The following GRK5 variants were observed in gnomAD, a reference collection of about 807,000 sequenced individuals.
GRK5 encodes G protein-coupled receptor kinase 5.
GRK5 carries 40 observed loss-of-function variants against 78.4 expected under a neutral mutation model. That is an observed-to-expected ratio of 0.51 (90% CI 0.40 to 0.66). GRK5 has a LOEUF of 0.66. GRK5 is among the 30% of genes least tolerant of loss of function. The probability of loss-of-function intolerance (pLI) is 0.00; values close to 1 mark genes in which losing one functional copy is unlikely to be tolerated. For missense variants in GRK5, 598 were observed against 759.9 expected (o/e 0.79, Z 2.50); for synonymous variants, 289 against 296.8 (o/e 0.97, Z 0.27).
intron 4 of GRK5, among the ~76,000 whole-genome samples, chr10:119,397,743 C>T (rs1009564132): frequency 6.6e-6 from 1 of 152,222 alleles, no homozygotes; most frequent in African/African-American, 2.4e-5. Flanking sequence ...ATGTAGCCCT[C>T]GTTCTTCTCC....
At chr10:119,330,866 CA>C (rs1321552764) in intron 2 of GRK5, among the ~76,000 whole-genome samples, 1 of 152,174 alleles carries the variant, frequency 6.6e-6, no homozygotes, top group Non-Finnish European at 1.5e-5. Flanking sequence ...ACTAAAAACA[CA>C]AAAATTAGCC....
chr10:119,313,230 ATGATGGTGGTGGTAATGGTGGTGG>A (rs1440031018), intron 1 of GRK5, among the ~76,000 whole-genome samples: 4 of 121,234 alleles, frequency 3.3e-5, no homozygotes, highest in Non-Finnish European at 7.2e-5. Context: ...GACGGTAGTG[ATGATGGTGGTGGTAATGGTGGTGG>A]TGATGGTGGT....
intron 1 of GRK5, among the ~76,000 whole-genome samples, chr10:119,308,104 C>T (rs1448867706): frequency 6.6e-6 from 1 of 152,116 alleles, no homozygotes; most frequent in Non-Finnish European, 1.5e-5. Context: ...CCCAGTGCGC[C>T]TTTGTAGGCC....
chr10:119,351,019 C>T (rs1851178391), intron 2 of GRK5, among the ~76,000 whole-genome samples: 1 of 152,122 alleles, frequency 6.6e-6, no homozygotes, highest in Non-Finnish European at 1.5e-5. Context: ...AACCCAGGCC[C>T]CACCCTCAGG....
intron 6 of GRK5, among the ~76,000 whole-genome samples, chr10:119,427,959 A>G (rs1018079460): frequency 6.6e-6 from 1 of 152,004 alleles, no homozygotes; most frequent in Admixed American, 6.6e-5. Context: ...CATCAGCCTC[A>G]CTGCCATCAT....
chr10:119,360,904 G>C (rs1417387845), intron 2 of GRK5, among the ~76,000 whole-genome samples: 1 of 152,202 alleles, frequency 6.6e-6, no homozygotes, highest in Non-Finnish European at 1.5e-5. Context: ...TGCTTCTCTG[G>C]TGGGAAACGG....
At position 119,455,072 on chromosome 10, in the gene GRK5, G is replaced by T; in HGVS notation, c.*5G>T. On this transcript the variant is annotated 3_prime_UTR_variant, in exon 16 of 16. Coordinates refer to ENST00000392870, the MANE Select transcript of GRK5 (RefSeq NM_005308.3). ...AACTCCACCGGAAGCAGCTAGTTTC[G>T]GCTCTGGCCTCCAAGTCCACAGTGG... 1 of 1,609,166 alleles carries T rather than the reference G, an allele frequency of 6.2e-7. No individual in the cohort carries two copies. Among genetic ancestry groups the T allele is most frequent in the Admixed American group, 1.7e-5 (1 of 60,032 alleles).
chr10:119,209,486 GGTT>G (rs1848446352), intron 1 of GRK5, among the ~76,000 whole-genome samples: 4 of 88,838 alleles, frequency 4.5e-5, no homozygotes, highest in East Asian at 6.7e-4. Context: ...GTGTGTGTGT[GGTT>G]TTTTTTTTTT....
intron 1 of GRK5, among the ~76,000 whole-genome samples, chr10:119,270,652 C>T (rs958361718): frequency 1.8e-4 from 27 of 152,358 alleles, no homozygotes; most frequent in South Asian, 1.2e-3. Flanking sequence ...GTCTGTCATG[C>T]GGCCCACAGC....
chr10:119,246,805 A>T (rs981500015), intron 1 of GRK5, among the ~76,000 whole-genome samples: 2 of 152,146 alleles, frequency 1.3e-5, no homozygotes, highest in Non-Finnish European at 2.9e-5. Context: ...TGGGGTTGAA[A>T]ACCTTCACTG....
intron 2 of GRK5, among the ~76,000 whole-genome samples, chr10:119,369,331 G>T (rs1433365888): frequency 6.6e-6 from 1 of 152,174 alleles, no homozygotes; most frequent in Non-Finnish European, 1.5e-5. Context: ...AAAGGCCCTG[G>T]GTGTTCAAGA....
chr10:119,393,234 G>A (rs1183652459), intron 3 of GRK5, among the ~76,000 whole-genome samples: 1 of 152,262 alleles, frequency 6.6e-6, no homozygotes, highest in Admixed American at 6.5e-5. Flanking sequence ...GGCCTGGCAC[G>A]GACTCTTTGA....
chr10:119,445,122 G>A lies in GRK5; in HGVS notation c.1266+1370G>A, dbSNP rs1326128583. ...GCTGTTGGCCCGCCATGCAGCTGGG[G>A]CCTCAGAGAAAGCCACATGGTCATC... On this transcript the variant is annotated intron_variant, in intron 12 of 15. Transcript: ENST00000392870. This position sits in a 1 kb window ranked among gnomAD's most constrained non-coding sequence, Gnocchi z 4.1. Among the ~76,000 whole-genome samples the A allele has an allele frequency of 3.3e-5, 5 of 152,194 alleles. No homozygotes were observed. In the East Asian group the frequency reaches 9.6e-4, roughly 29 times the overall value.
intron 5 of GRK5, 50 bp from the exon 6 acceptor site, chr10:119,424,943 T>A (rs762982056): frequency 7.5e-7 from 1 of 1,329,918 alleles, no homozygotes; most frequent in African/African-American, 1.4e-5. Flanking sequence ...GCCCCCCTGC[T>A]TGAAGATCGG....
At chr10:119,230,647 C>T (rs904270860) in intron 1 of GRK5, among the ~76,000 whole-genome samples, 2 of 151,838 alleles carry the variant, frequency 1.3e-5, no homozygotes, top group African/African-American at 4.8e-5. Context: ...GGTGGGGACA[C>T]AGCCAAACCG....
intron 1 of GRK5, among the ~76,000 whole-genome samples, chr10:119,282,524 C>A (rs921344413): frequency 2.0e-5 from 3 of 152,226 alleles, no homozygotes; most frequent in Non-Finnish European, 4.4e-5. Flanking sequence ...GCTCCTAGAC[C>A]AGGGTCGGGT....
At chr10:119,372,646 C>G (rs1192676714) in intron 2 of GRK5, among the ~76,000 whole-genome samples, 1 of 152,200 alleles carries the variant, frequency 6.6e-6, no homozygotes, top group Non-Finnish European at 1.5e-5. Context: ...CAAACATCAT[C>G]AGGACACTAT....
At position 119,421,383 on chromosome 10, in the gene GRK5, G is replaced by A. The variant is rs182953571; in HGVS notation, c.340-1783G>A. Among the ~76,000 whole-genome samples, 665 of 152,340 alleles carry A rather than the reference G, an allele frequency of 4.4e-3. 4 individuals carry two copies. The highest frequency in any genetic ancestry group is 7.3e-3 in the Non-Finnish European group (499 of 68,028). Reference sequence around the variant, plus strand: ...CAGTTGTCGACTCCCAAATCTCAAAGGACCCTTCAGGCATCTCTGGAGCAG... The same window carrying A: ...CAGTTGTCGACTCCCAAATCTCAAAAGACCCTTCAGGCATCTCTGGAGCAG... On this transcript the variant is annotated intron_variant, in intron 4 of 15. Coordinates refer to ENST00000392870, the MANE Select transcript of GRK5 (RefSeq NM_005308.3).
chr10:119,350,857 C>T (rs1024914531), intron 2 of GRK5, among the ~76,000 whole-genome samples: 7 of 152,192 alleles, frequency 4.6e-5, no homozygotes, highest in African/African-American at 1.7e-4. Flanking sequence ...AGAATTTGGA[C>T]AGCCCTCAGA....
Sources: gnomAD v4.1 joint callset for allele counts (sites outside exome capture counted in the v4.1 genomes callset) on GRCh38, gnomAD v4.1.1 for gene constraint, Gnocchi (gnomAD v3.1) non-coding constraint, MANE v1.5 for transcripts, NCBI Gene and HGNC (gene_info 2026-07-23, HGNC 2026-07-21) for gene names.